The following CCSER1 variants were observed in gnomAD, a reference collection of about 807,000 sequenced individuals.
CCSER1 encodes the protein coiled-coil serine rich protein 1.
A neutral mutation model predicts 82.0 loss-of-function variants in CCSER1; 41 were observed. That is an observed-to-expected ratio of 0.50 (90% CI 0.39 to 0.65). The LOEUF (loss-of-function observed/expected upper bound fraction) is 0.65, where lower values mean the gene tolerates loss of function less well. Ranked by LOEUF, CCSER1 falls within the 30% of genes least tolerant of loss-of-function variation. The probability of loss-of-function intolerance (pLI) is 0.00; values close to 1 mark genes in which losing one functional copy is unlikely to be tolerated. For synonymous variants in CCSER1, 414 were observed against 383.9 expected, an observed-to-expected ratio of 1.08 and a Z score of -0.92; for missense variants, 1,119 against 1,064.2, an observed-to-expected ratio of 1.05 and a Z score of -0.72.
At chr4:90,650,340 GA>G (rs974215792) in intron 6 of CCSER1, among the ~76,000 whole-genome samples, 1 of 151,494 alleles carries the variant, frequency 6.6e-6, no homozygotes, top group Admixed American at 6.6e-5. Flanking sequence ...TAAGAATAAT[GA>G]AAAAAAAGAA....
chr4:90,818,885 C>CA (rs947972459), intron 8 of CCSER1, among the ~76,000 whole-genome samples: 2 of 151,980 alleles, frequency 1.3e-5, no homozygotes, highest in African/African-American at 2.4e-5. Flanking sequence ...AGGAAAAAAA[C>CA]AAAAAACTCC....
At chr4:90,890,318 A>G (rs974495285) in intron 8 of CCSER1, among the ~76,000 whole-genome samples, 2 of 152,118 alleles carry the variant, frequency 1.3e-5, no homozygotes, top group African/African-American at 2.4e-5. Context: ...CACTTTAAGG[A>G]TTAGACTCTA....
At chr4:90,924,856 A>G (rs1015246239) in intron 9 of CCSER1, among the ~76,000 whole-genome samples, 9 of 152,066 alleles carry the variant, frequency 5.9e-5, no homozygotes, top group African/African-American at 1.7e-4. Flanking sequence ...CATCCCAGGT[A>G]ACTGGGATTG....
chr4:91,128,609 C>CA (rs1484287710), intron 10 of CCSER1, among the ~76,000 whole-genome samples: 1 of 151,986 alleles, frequency 6.6e-6, no homozygotes. Context: ...ATCCTAACGG[C>CA]AAAATCAGAG....
At chr4:90,440,397 T>C (rs1759695669) in intron 4 of CCSER1, among the ~76,000 whole-genome samples, 2 of 152,206 alleles carry the variant, frequency 1.3e-5, no homozygotes, top group Admixed American at 1.3e-4. Context: ...CCAATGATAC[T>C]TATTCAGGAA....
At chr4:90,387,150 A>G (rs1750186526) in intron 3 of CCSER1, among the ~76,000 whole-genome samples, 1 of 152,136 alleles carries the variant, frequency 6.6e-6, no homozygotes, top group African/African-American at 2.4e-5. Context: ...TTTAACCTAG[A>G]CATATACAAA....
intron 10 of CCSER1, among the ~76,000 whole-genome samples, chr4:91,151,418 C>G (rs1192555243): frequency 6.6e-6 from 1 of 152,030 alleles, no homozygotes; most frequent in Non-Finnish European, 1.5e-5. Context: ...TTCAAAAAAC[C>G]AGCTCCTGGA....
chr4:91,201,095 A>G (rs991634717), intron 10 of CCSER1, among the ~76,000 whole-genome samples: 5 of 151,992 alleles, frequency 3.3e-5, no homozygotes, highest in Non-Finnish European at 7.4e-5. Context: ...TCTTTATCAC[A>G]ATTTCCTCAT....
intron 7 of CCSER1, among the ~76,000 whole-genome samples, chr4:90,742,611 C>A (rs1280555285): frequency 6.6e-6 from 1 of 152,058 alleles, no homozygotes; most frequent in Non-Finnish European, 1.5e-5. Flanking sequence ...GACTTCCCAG[C>A]CTCTAGAATT....
intron 10 of CCSER1, among the ~76,000 whole-genome samples, chr4:91,152,167 G>A (rs891718480): frequency 1.3e-5 from 2 of 152,148 alleles, no homozygotes; most frequent in Non-Finnish European, 2.9e-5. Flanking sequence ...CCTGTATTAG[G>A]TTCATATATA....
At chr4:91,482,184 T>C (rs1469702212) in intron 10 of CCSER1, among the ~76,000 whole-genome samples, 1 of 147,708 alleles carries the variant, frequency 6.8e-6, no homozygotes, top group Non-Finnish European at 1.5e-5. Flanking sequence ...GGGTGGATCA[T>C]GAGGTCAGGA....
chr4:90,773,915 G>A (rs1312926819), intron 7 of CCSER1, among the ~76,000 whole-genome samples: 1 of 152,114 alleles, frequency 6.6e-6, no homozygotes, highest in Non-Finnish European at 1.5e-5. Flanking sequence ...TCAGCATGCT[G>A]TCAATAGATA....
chr4:90,642,421 A>T (rs1726709069), intron 6 of CCSER1: 1 of 152,278 alleles, frequency 6.6e-6, no homozygotes, highest in Admixed American at 6.5e-5. Context: ...GAATGCACTT[A>T]TTCCTTAACT....
intron 9 of CCSER1, among the ~76,000 whole-genome samples, chr4:90,981,651 TAAACTA>T (rs904879615): frequency 2.0e-5 from 3 of 151,810 alleles, no homozygotes; most frequent in Non-Finnish European, 2.9e-5. Flanking sequence ...AAAGAATACT[TAAACTA>T]AAAATAGTTC....
chr4:90,670,668 T>A (rs1432854094), intron 6 of CCSER1, among the ~76,000 whole-genome samples: 1 of 152,106 alleles, frequency 6.6e-6, no homozygotes, highest in East Asian at 1.9e-4. Flanking sequence ...ACACTTAAAC[T>A]GTTCAGTAGA....
intron 10 of CCSER1, among the ~76,000 whole-genome samples, chr4:91,518,076 T>C (rs764497622): frequency 2.6e-5 from 4 of 152,196 alleles, no homozygotes; most frequent in Non-Finnish European, 5.9e-5. Context: ...TGGACTCCTC[T>C]TTCTCTTGAG....
At position 90,352,675 on chromosome 4, in the gene CCSER1, AAC is replaced by A. The variant is rs1325816241; in HGVS notation, c.1509+39630_1509+39631del. 1.1e-4 allele frequency among the ~76,000 whole-genome samples: 16 copies of A among 151,934 alleles called. No homozygotes were observed. The East Asian group carries it at 2.3e-3, about 22-fold the overall frequency. ...AGACTGTCTCAAAAAACAAAAAAAA[AAC>A]ATATATGTATATATACACACACACA... On this transcript the variant is annotated intron_variant, in intron 3 of 10. Transcript: ENST00000509176.
intron 6 of CCSER1, among the ~76,000 whole-genome samples, chr4:90,649,268 G>A (rs960581707): frequency 1.3e-5 from 2 of 152,126 alleles, no homozygotes; most frequent in Non-Finnish European, 2.9e-5. Flanking sequence ...GTGGCAATGG[G>A]AAGCTAAGAA....
At chr4:91,415,301 C>T (rs534587880) in intron 10 of CCSER1, among the ~76,000 whole-genome samples, 1 of 151,996 alleles carries the variant, frequency 6.6e-6, no homozygotes, top group East Asian at 1.9e-4. Context: ...GCTTAACAAG[C>T]TTTTGGGCTG....
Sources: allele counts gnomAD v4.1 joint callset (sites outside exome capture counted in the v4.1 genomes callset), GRCh38; gene constraint gnomAD v4.1.1; transcripts MANE v1.5; gene names NCBI Gene and HGNC (gene_info 2026-07-23, HGNC 2026-07-21).